The following CD96 variants were observed in gnomAD, a reference collection of about 807,000 sequenced individuals.
The protein encoded by CD96 is T-cell surface protein tactile.
In CD96, 70 loss-of-function variants were observed where a neutral mutation model predicts 71.3. The ratio of observed to expected loss-of-function variants is 0.98; its 90% CI spans 0.81 to 1.20. The LOEUF (loss-of-function observed/expected upper bound fraction) is 1.20. Among genes scored for constraint, CD96 ranks in the 50% most tolerant of loss-of-function variants. The probability of loss-of-function intolerance (pLI) is 0.00; values close to 1 mark genes in which losing one functional copy is unlikely to be tolerated. For missense variants in CD96, 742 were observed against 677.5 expected, an observed-to-expected ratio of 1.10 and a Z score of -1.06; for synonymous variants, 248 against 233.0, an observed-to-expected ratio of 1.06 and a Z score of -0.59.
intron 5 of CD96, among the ~76,000 whole-genome samples, chr3:111,597,500 C>T (rs1448233056): frequency 2.0e-5 from 3 of 152,184 alleles, no homozygotes; most frequent in Admixed American, 2.0e-4. Flanking sequence ...CTATTTTCCA[C>T]TTCCTCGAAC....
rs59342271 is a variant in CD96 at position 111,619,880 on chromosome 3, A to G, written c.1181-3874A>G. 5.4e-3 allele frequency among the ~76,000 whole-genome samples: 825 copies of G among 152,360 alleles called. 8 individuals are homozygous for G. Among genetic ancestry groups the G allele is most frequent in the African/African-American group, 0.019 (783 of 41,596 alleles). ...AAGCAGTGTTGCTGCACACTGTGCC[A>G]CAGTTTGGTCACTGTTCTCCTGCTG... On this transcript the variant is annotated intron_variant, in intron 8 of 13. Coordinates refer to ENST00000352690, the MANE Select transcript of CD96 (RefSeq NM_005816.5).
In CD96 at chr3:111,585,372, G is replaced by C; in HGVS notation, c.801G>C (p.Leu267Phe). The change falls in exon 5 of 14, where the codon TTG becomes TTC. Residue 267 changes from leucine to phenylalanine, a missense_variant. Coordinates refer to ENST00000352690, the MANE Select transcript of CD96 (RefSeq NM_005816.5). ...VIVENNSTDV[L>F]VERRFTCLLK... The stretch of plus-strand genomic sequence containing the variant: ...TGGAAAATAACTCCACGGATGTCTT[G>C]GTAGAGGTGAGTCACATAAAAGCCT... 1 of 1,601,866 alleles carries C rather than the reference G, an allele frequency of 6.2e-7. No individual in the cohort carries two copies. The highest frequency in any genetic ancestry group is 8.6e-7 in the Non-Finnish European group (1 of 1,169,128).
chr3:111,600,863 C>G lies in CD96; in HGVS notation c.1036C>G (p.Pro346Ala). The change falls in exon 7 of 14, where the codon CCA becomes GCA. Residue 346 changes from proline to alanine, a missense_variant. Pro to Ala is a conservative substitution (Grantham distance 27, BLOSUM62 -1). Coordinates refer to ENST00000352690, the MANE Select transcript of CD96 (RefSeq NM_005816.5). ...TIWCMALSPV[P>A]GNKVWNISSE... ...TTGGTGTATGGCTCTGTCTCCAGTC[C>G]CAGGAAATAAAGTGTGGAACATCTC... The G allele has an allele frequency of 6.2e-7, 1 of 1,613,128 alleles. No individual in the cohort carries two copies. The highest frequency in any genetic ancestry group is 8.5e-7 in the Non-Finnish European group (1 of 1,179,218).
chr3:111,665,974 T>C (rs557247429), downstream of CD96, among the ~76,000 whole-genome samples: 71 of 152,328 alleles, frequency 4.7e-4, no homozygotes, highest in South Asian at 0.014. Context: ...ATTTATCTGT[T>C]CAATAAATAC....
chr3:111,637,691 T>C (rs1939395784), intron 11 of CD96, among the ~76,000 whole-genome samples: 1 of 152,134 alleles, frequency 6.6e-6, no homozygotes, highest in Non-Finnish European at 1.5e-5. Flanking sequence ...GAACAGAGCC[T>C]CACTTATCCA....
intron 14 of CD96, among the ~76,000 whole-genome samples, chr3:111,661,416 A>G (rs1286963764): frequency 6.6e-6 from 1 of 152,230 alleles, no homozygotes; most frequent in Non-Finnish European, 1.5e-5. Context: ...AGTCCCCAAA[A>G]GTCTTAACTC....
At chr3:111,542,596 C>A (rs538858706) in intron 1 of CD96, among the ~76,000 whole-genome samples, 3 of 152,302 alleles carry the variant, frequency 2.0e-5, no homozygotes, top group Non-Finnish European at 4.4e-5. Context: ...GAGTAATTGG[C>A]AAATTGTGTT....
chr3:111,624,269 C>G (rs1938639857), intron 9 of CD96, 64 bp from the exon 10 acceptor site: 2 of 1,109,998 alleles, frequency 1.8e-6, no homozygotes, highest in Non-Finnish European at 2.8e-6. Flanking sequence ...TTCTGTGCAT[C>G]AAAGCAAAGT....
chr3:111,607,842 T>C (rs1051846480), intron 8 of CD96, among the ~76,000 whole-genome samples: 2 of 152,230 alleles, frequency 1.3e-5, no homozygotes, highest in African/African-American at 4.8e-5. Context: ...TCTTCTTTTT[T>C]TGAAGCCTCT....
chr3:111,645,914 C>G (rs573349303), intron 12 of CD96, among the ~76,000 whole-genome samples: 1 of 152,186 alleles, frequency 6.6e-6, no homozygotes, highest in African/African-American at 2.4e-5. Flanking sequence ...TGGTTTCAGT[C>G]CAGGCTATGT....
chr3:111,659,183 T>C (rs559324229), intron 14 of CD96, among the ~76,000 whole-genome samples: 3 of 152,230 alleles, frequency 2.0e-5, no homozygotes, highest in South Asian at 4.1e-4. Context: ...TAGTTGATCA[T>C]AGTCCCTGAG....
rs1047743859 is a variant in CD96, at chr3:111,627,526, C to T, written c.1321+3122C>T. Reference sequence around the variant, plus strand: ...TAATTTCTTCCTGGGACAGAGTGCCCAGTGGGTGAGGCAGACATTTGCTGT... The same window carrying T: ...TAATTTCTTCCTGGGACAGAGTGCCTAGTGGGTGAGGCAGACATTTGCTGT... On this transcript the variant is annotated intron_variant, in intron 10 of 13. Coordinates refer to ENST00000352690, the MANE Select transcript of CD96 (RefSeq NM_005816.5). Among the ~76,000 whole-genome samples the T allele has an allele frequency of 8.5e-5, 13 of 152,362 alleles. No individual in the cohort carries two copies. In the South Asian group the frequency reaches 1.2e-3, roughly 15 times the overall value.
chr3:111,664,957 C>A (rs1940446003), intron 14 of CD96, among the ~76,000 whole-genome samples: 1 of 152,174 alleles, frequency 6.6e-6, no homozygotes, highest in African/African-American at 2.4e-5. Flanking sequence ...AGGAAATACA[C>A]AGTTATTATT....
intron 2 of CD96, among the ~76,000 whole-genome samples, chr3:111,556,473 C>T (rs370171126): frequency 0.048 from 5,609 of 116,346 alleles, 367 homozygotes; most frequent in African/African-American, 0.14. Context: ...TTTGTTCTTG[C>T]GATAGTTTAC....
At position 111,598,178 on chromosome 3, in the gene CD96, T is replaced by C. The variant is rs768832830; in HGVS notation, c.866T>C (p.Ile289Thr). 6.8e-7 allele frequency: 1 copy of C among 1,470,908 alleles called. No individual in the cohort carries two copies. The highest frequency in any genetic ancestry group is 9.5e-7 in the Non-Finnish European group (1 of 1,050,018). 91.1% of individuals were successfully genotyped at this position (1,470,908 alleles called of 1,614,324 possible). Residue 289 changes from isoleucine (I) to threonine (T), a missense_variant, in exon 6 of 14, where the codon ATA becomes ACA. Ile to Thr is a moderately conservative substitution (Grantham distance 89, BLOSUM62 -1). Coordinates refer to ENST00000352690, the MANE Select transcript of CD96 (RefSeq NM_005816.5). The part of the protein sequence containing the change: ...VFPKANITWF[I>T]DGSFLHDEKE... The stretch of plus-strand genomic sequence containing the variant: ...CCCAAAGCAAATATCACATGGTTTA[T>C]AGATGGAAGTTTTCTTCATGATGAA...
At chr3:111,600,644 T>C (rs1334381270) in intron 6 of CD96, 82 bp from the exon 7 acceptor site, 6 of 1,054,898 alleles carry the variant, frequency 5.7e-6, no homozygotes, top group Middle Eastern at 2.0e-4. Flanking sequence ...TTACCACAAA[T>C]TGATCATGCC....
Position 111,600,717 on chromosome 3 carries a change from G to A in CD96, c.899-9G>A, listed in dbSNP as rs1374623486. 22 of 1,598,718 alleles carry A rather than the reference G, an allele frequency of 1.4e-5. No individual in the cohort carries two copies. Among genetic ancestry groups the A allele is most frequent in the Non-Finnish European group, 1.8e-5 (21 of 1,166,208 alleles). ...TTAGTGTTGAACCATGTTCGTATCT[G>A]TCTGGCAGGAATATATATTACTAAT... On this transcript the variant is annotated splice_polypyrimidine_tract_variant and intron_variant, in intron 6 of 13. Transcript: ENST00000352690.
At chr3:111,555,128 C>A (rs991278437) in intron 2 of CD96, among the ~76,000 whole-genome samples, 2 of 150,092 alleles carry the variant, frequency 1.3e-5, no homozygotes, top group African/African-American at 4.9e-5. Flanking sequence ...TGGCCCCATT[C>A]CTTAACAGGC....
intron 6 of CD96, among the ~76,000 whole-genome samples, 191 bp from the exon 7 acceptor site, chr3:111,600,535 C>T (rs570353521): frequency 2.2e-4 from 33 of 152,186 alleles, no homozygotes; most frequent in Non-Finnish European, 3.8e-4. Context: ...GGATCAATGA[C>T]ATGCAGGAGC....
Sources: allele counts gnomAD v4.1 joint callset (sites outside exome capture counted in the v4.1 genomes callset), GRCh38; gene constraint gnomAD v4.1.1; transcripts MANE v1.5; gene names NCBI Gene and HGNC (gene_info 2026-07-23, HGNC 2026-07-21).